SIK3: variants seen among roughly 807,000 people sequenced by gnomAD.
SIK3 encodes serine/threonine-protein kinase SIK3.
Under a neutral mutation model 144.2 loss-of-function variants are expected in SIK3, and 28 were observed. The ratio of observed to expected loss-of-function variants is 0.19; its 90% confidence interval spans 0.14 to 0.27. SIK3 has a LOEUF of 0.27. SIK3 is among the 10% of genes least tolerant of loss of function. SIK3 has a pLI of 1.00. For missense variants in SIK3, 1,319 were observed against 1,776.0 expected, an observed-to-expected ratio of 0.74 and a Z score of 4.62; for synonymous variants, 686 against 676.3, an observed-to-expected ratio of 1.01 and a Z score of -0.22.
At chr11:116,964,129 C>T (rs547929190) in intron 1 of SIK3, among the ~76,000 whole-genome samples, 1 of 152,236 alleles carries the variant, frequency 6.6e-6, no homozygotes, top group East Asian at 1.9e-4. Context: ...TCACCTCAGC[C>T]TTCTGAGTAG....
At chr11:116,980,133 T>C (rs1950088494) in intron 1 of SIK3, among the ~76,000 whole-genome samples, 1 of 152,220 alleles carries the variant, frequency 6.6e-6, no homozygotes. Context: ...TATAAACCCA[T>C]CATAAGTTGA....
Position 117,013,903 on chromosome 11 carries a change from G to GT in SIK3, c.274-56840_274-56839insA, listed in dbSNP as rs1555127047. 6.6e-3 allele frequency among the ~76,000 whole-genome samples: 347 copies of GT among 52,810 alleles called. 21 individuals are homozygous for GT. The highest frequency in any genetic ancestry group is 0.013 in the African/African-American group (216 of 16,872). The allele number at this position is 52,810 out of a possible 152,430, so 34.6% of individuals were successfully genotyped here. ...GATATAAGTCTCCAGATTCTGAGGG[G>GT]GGGGGGGGGAGGGTGTGTGTGTGTG... On this transcript the variant is annotated intron_variant, in intron 1 of 24. Transcript: ENST00000445177.
intron 1 of SIK3, among the ~76,000 whole-genome samples, chr11:116,977,796 C>G (rs1003211983): frequency 6.6e-6 from 1 of 152,154 alleles, no homozygotes. Context: ...ATGAATTCTC[C>G]TAGTTTCATC....
At chr11:117,065,422 AT>A (rs993495811) in intron 1 of SIK3, among the ~76,000 whole-genome samples, 20 of 151,794 alleles carry the variant, frequency 1.3e-4, no homozygotes, top group African/African-American at 3.6e-4. Context: ...TGAATTTTTC[AT>A]TTTTTTTACA....
chr11:117,016,988 G>A (rs1951568563), intron 1 of SIK3, among the ~76,000 whole-genome samples: 1 of 152,212 alleles, frequency 6.6e-6, no homozygotes, highest in Non-Finnish European at 1.5e-5. Context: ...CAGGATGTAA[G>A]AAGCTGATAC....
chr11:117,095,298 TA>T (rs1178025867), intron 1 of SIK3, among the ~76,000 whole-genome samples: 6 of 151,872 alleles, frequency 4.0e-5, no homozygotes, highest in African/African-American at 1.4e-4. Flanking sequence ...TCATCTGAAT[TA>T]CCTCTGTCTG....
At chr11:116,965,527 C>G (rs1949496211) in intron 1 of SIK3, among the ~76,000 whole-genome samples, 1 of 151,122 alleles carries the variant, frequency 6.6e-6, no homozygotes, top group Admixed American at 6.6e-5. Context: ...GAGGGAGATA[C>G]TTAGAATGGG....
chr11:116,957,162 T>C (rs1565498875), intron 1 of SIK3, 98 bp from the exon 2 acceptor site: 1 of 573,286 alleles, frequency 1.7e-6, no homozygotes. Context: ...CCATAAAATA[T>C]AAGCTGCCAG....
At chr11:116,875,624 G>T in intron 9 of SIK3, 173 bp from the exon 10 acceptor site, 1 of 793,998 alleles carries the variant, frequency 1.3e-6, no homozygotes, top group Non-Finnish European at 1.9e-6. Context: ...GGATAGCATC[G>T]CCTCATGATT....
At chr11:116,931,088 G>A (rs1947579444) in intron 3 of SIK3, among the ~76,000 whole-genome samples, 1 of 152,232 alleles carries the variant, frequency 6.6e-6, no homozygotes, top group African/African-American at 2.4e-5. Flanking sequence ...CCATGACCAT[G>A]ACTTGGCATT....
At chr11:117,042,941 A>G (rs1329327507) in intron 1 of SIK3, among the ~76,000 whole-genome samples, 1 of 152,238 alleles carries the variant, frequency 6.6e-6, no homozygotes, top group East Asian at 1.9e-4. Context: ...GTGAAAGATT[A>G]TGTATTGTGC....
At chr11:116,940,582 T>C (rs1242632225) in intron 3 of SIK3, among the ~76,000 whole-genome samples, 3 of 152,096 alleles carry the variant, frequency 2.0e-5, no homozygotes, top group African/African-American at 7.2e-5. Context: ...ATTTGTTCTC[T>C]GGGGCTCTTA....
intron 22 of SIK3, among the ~76,000 whole-genome samples, chr11:116,848,131 G>A (rs1942138200): frequency 6.6e-6 from 1 of 152,090 alleles, no homozygotes; most frequent in East Asian, 1.9e-4. Context: ...TGGCTAACAC[G>A]GTGAAACCCC....
At chr11:117,048,621 A>G (rs149596743) in intron 1 of SIK3, among the ~76,000 whole-genome samples, 1,633 of 152,022 alleles carry the variant, frequency 0.011, 28 homozygotes, top group Admixed American at 0.016. Flanking sequence ...GGGCCATTGC[A>G]CTCCAGCCTG....
intron 1 of SIK3, among the ~76,000 whole-genome samples, chr11:116,962,591 A>C (rs1399074477): frequency 1.3e-5 from 2 of 152,120 alleles, no homozygotes; most frequent in Admixed American, 6.6e-5. Context: ...TTCTGTAGCA[A>C]AATTTTTATT....
chr11:116,949,388 A>G (rs1298942641), intron 3 of SIK3, among the ~76,000 whole-genome samples: 1 of 152,196 alleles, frequency 6.6e-6, no homozygotes, highest in African/African-American at 2.4e-5. Context: ...GTTAAACTCC[A>G]CTAGTTGCTG....
intron 1 of SIK3, among the ~76,000 whole-genome samples, chr11:117,005,468 C>T (rs1340834782): frequency 6.6e-6 from 1 of 151,438 alleles, no homozygotes; most frequent in African/African-American, 2.4e-5. Context: ...AGAGCCAGAA[C>T]CTAAACGTTT....
chr11:117,027,402 A>G (rs772835104), intron 1 of SIK3, among the ~76,000 whole-genome samples: 7 of 151,862 alleles, frequency 4.6e-5, no homozygotes, highest in Admixed American at 2.0e-4. Context: ...AAGCATCACA[A>G]ACAACTTTCA....
At chr11:117,085,547 G>T (rs139734053) in intron 1 of SIK3, among the ~76,000 whole-genome samples, 1 of 152,158 alleles carries the variant, frequency 6.6e-6, no homozygotes, top group Non-Finnish European at 1.5e-5. Flanking sequence ...GGAAAAAAGC[G>T]GGGAAGTGGG....
Sources: gnomAD v4.1 joint callset for allele counts (sites outside exome capture counted in the v4.1 genomes callset) on GRCh38, gnomAD v4.1.1 for gene constraint, MANE v1.5 for transcripts, NCBI Gene and HGNC (gene_info 2026-07-23, HGNC 2026-07-21) for gene names.